RASAL2: variants seen among roughly 807,000 people sequenced by gnomAD.
RASAL2 encodes ras GTPase-activating protein nGAP.
A neutral mutation model predicts 128.9 loss-of-function variants in RASAL2; 58 were observed. That is an observed-to-expected ratio of 0.45 (90% confidence interval 0.36 to 0.56). The LOEUF (loss-of-function observed/expected upper bound fraction) is 0.56. Ranked by LOEUF, RASAL2 falls within the 20% of genes least tolerant of loss-of-function variation. The probability of loss-of-function intolerance (pLI) is 0.00; values close to 1 mark genes in which losing one functional copy is unlikely to be tolerated. For missense variants in RASAL2, 1,360 were observed against 1,601.6 expected, an observed-to-expected ratio of 0.85 and a Z score of 2.57; for synonymous variants, 561 against 580.8, an observed-to-expected ratio of 0.97 and a Z score of 0.49.
At chr1:178,465,670 A>G (rs1647595866) in intron 15 of RASAL2, among the ~76,000 whole-genome samples, 1 of 152,174 alleles carries the variant, frequency 6.6e-6, no homozygotes, top group Non-Finnish European at 1.5e-5. Flanking sequence ...AAGATTTAAA[A>G]TGTAATTTTA....
At chr1:178,174,801 G>C (rs1037298743) in intron 1 of RASAL2, among the ~76,000 whole-genome samples, 10 of 152,134 alleles carry the variant, frequency 6.6e-5, no homozygotes, top group Non-Finnish European at 1.5e-4. Context: ...GCAATAGCTG[G>C]TTCCTTCATG....
chr1:178,456,556 C>T (rs1677787070), intron 12 of RASAL2, 165 bp from the exon 13 acceptor site: 2 of 736,506 alleles, frequency 2.7e-6, no homozygotes, highest in Non-Finnish European at 4.8e-6. Context: ...CATGGTTCTG[C>T]TGCTCCATAA....
At chr1:178,220,569 A>T (rs976911529) in intron 1 of RASAL2, among the ~76,000 whole-genome samples, 1 of 152,222 alleles carries the variant, frequency 6.6e-6, no homozygotes, top group African/African-American at 2.4e-5. Flanking sequence ...GTGCCAACAG[A>T]CCTGATTGAC....
intron 4 of RASAL2, among the ~76,000 whole-genome samples, chr1:178,391,833 C>G (rs928299877): frequency 2.0e-5 from 3 of 152,062 alleles, no homozygotes; most frequent in Non-Finnish European, 4.4e-5. Flanking sequence ...AGAGACAGAA[C>G]CAATATTTTA....
chr1:178,219,508 G>T (rs1335190147), intron 1 of RASAL2, among the ~76,000 whole-genome samples: 1 of 151,878 alleles, frequency 6.6e-6, no homozygotes, highest in Non-Finnish European at 1.5e-5. Flanking sequence ...AGGCTTGGTG[G>T]TGCACGCACA....
intron 3 of RASAL2, among the ~76,000 whole-genome samples, chr1:178,339,823 T>A (rs1388122975): frequency 6.6e-6 from 1 of 152,220 alleles, no homozygotes; most frequent in Non-Finnish European, 1.5e-5. Flanking sequence ...ATAAAAATGC[T>A]GTGTTTGTAA....
intron 3 of RASAL2, among the ~76,000 whole-genome samples, chr1:178,363,952 G>A (rs1012381046): frequency 9.2e-5 from 14 of 151,894 alleles, no homozygotes; most frequent in African/African-American, 2.2e-4. Context: ...AAAAATTAGC[G>A]GGGCCAGGTG....
intron 1 of RASAL2, among the ~76,000 whole-genome samples, chr1:178,148,382 A>G (rs1324044728): frequency 6.6e-6 from 1 of 152,100 alleles, no homozygotes; most frequent in African/African-American, 2.4e-5. Flanking sequence ...AAGCACAGTA[A>G]TTTTATTAAA....
chr1:178,095,353 T>G (rs1416548112), intron 1 of RASAL2, among the ~76,000 whole-genome samples: 1 of 152,202 alleles, frequency 6.6e-6, no homozygotes, highest in Non-Finnish European at 1.5e-5. Context: ...CCTCTTTAAT[T>G]AAAACTGAAT....
chr1:178,359,099 A>T lies in RASAL2; in HGVS notation c.458-31001A>T, dbSNP rs1047456837. ...GTAAAGTTAAAAATGACTAAAATTT[A>T]AAAATGTGTATGAAAGTAAATTGTC... On this transcript the variant is annotated intron_variant, in intron 3 of 17. Coordinates refer to ENST00000367649, the MANE Select transcript of RASAL2 (RefSeq NM_170692.4). Among the ~76,000 whole-genome samples the T allele has an allele frequency of 2.7e-4, 41 of 152,254 alleles. 1 individual carries two copies. Among genetic ancestry groups the T allele is most frequent in the African/African-American group, 9.6e-4 (40 of 41,472 alleles).
chr1:178,137,603 A>G (rs1008464496), intron 1 of RASAL2, among the ~76,000 whole-genome samples: 1 of 152,224 alleles, frequency 6.6e-6, no homozygotes, highest in South Asian at 2.1e-4. Flanking sequence ...ATAGTAGGAC[A>G]TAATATTGGG....
intron 4 of RASAL2, among the ~76,000 whole-genome samples, chr1:178,391,590 G>T (rs1185254789): frequency 6.6e-6 from 1 of 152,138 alleles, no homozygotes; most frequent in Non-Finnish European, 1.5e-5. Context: ...CTGATTAGAA[G>T]AATGTCTAAT....
At chr1:178,262,966 T>TAA (rs1665770681) in intron 1 of RASAL2, among the ~76,000 whole-genome samples, 1 of 152,146 alleles carries the variant, frequency 6.6e-6, no homozygotes, top group Non-Finnish European at 1.5e-5. Flanking sequence ...GTCTTTTCCT[T>TAA]TGTAAAGTTT....
intron 1 of RASAL2, among the ~76,000 whole-genome samples, chr1:178,135,211 A>G (rs1660273010): frequency 6.6e-6 from 1 of 152,158 alleles, no homozygotes; most frequent in Non-Finnish European, 1.5e-5. Context: ...TTAAAAATGT[A>G]AAAAAGACTG....
intron 2 of RASAL2, among the ~76,000 whole-genome samples, chr1:178,299,335 G>A (rs1667658102): frequency 6.6e-6 from 1 of 151,984 alleles, no homozygotes; most frequent in South Asian, 2.1e-4. Flanking sequence ...ATTTAACATT[G>A]GACAAAATTG....
At chr1:178,390,471 C>T (rs527698658) in intron 4 of RASAL2, among the ~76,000 whole-genome samples, 141 of 152,240 alleles carry the variant, frequency 9.3e-4, no homozygotes, top group African/African-American at 3.2e-3. Flanking sequence ...CTCCCCCTCC[C>T]GAGTTTAGGC....
At chr1:178,153,492 C>T (rs1266222860) in intron 1 of RASAL2, among the ~76,000 whole-genome samples, 1 of 152,140 alleles carries the variant, frequency 6.6e-6, no homozygotes, top group Non-Finnish European at 1.5e-5. Context: ...CAGATGTAGA[C>T]AACCACTAAT....
At chr1:178,465,046 T>C (rs1371278505) in intron 15 of RASAL2, among the ~76,000 whole-genome samples, 1 of 152,082 alleles carries the variant, frequency 6.6e-6, no homozygotes, top group Non-Finnish European at 1.5e-5. Flanking sequence ...AGCTTCTTTT[T>C]ATCAGCATGA....
At chr1:178,108,706 A>G (rs1004448004) in intron 1 of RASAL2, among the ~76,000 whole-genome samples, 2 of 152,192 alleles carry the variant, frequency 1.3e-5, no homozygotes, top group South Asian at 2.1e-4. Flanking sequence ...AGTATTCAGT[A>G]TGATGTTTGT....
Sources: allele counts gnomAD v4.1 joint callset (sites outside exome capture counted in the v4.1 genomes callset), GRCh38; gene constraint gnomAD v4.1.1; transcripts MANE v1.5; gene names NCBI Gene and HGNC (gene_info 2026-07-23, HGNC 2026-07-21).